ABHD17B: variants seen among roughly 807,000 people sequenced by gnomAD.
ABHD17B encodes the protein alpha/beta hydrolase domain-containing protein 17B.
Under a neutral mutation model 26.2 loss-of-function variants are expected in ABHD17B, and 9 were observed. That is an observed-to-expected ratio of 0.34 (90% confidence interval 0.21 to 0.60). The LOEUF (loss-of-function observed/expected upper bound fraction) is 0.60. Ranked by LOEUF, ABHD17B falls within the 20% of genes least tolerant of loss-of-function variation. The probability of loss-of-function intolerance (pLI) is 0.80; values close to 1 mark genes in which losing one functional copy is unlikely to be tolerated. For missense variants in ABHD17B, 224 were observed against 352.1 expected, an observed-to-expected ratio of 0.64 and a Z score of 2.91; for synonymous variants, 127 against 122.3, an observed-to-expected ratio of 1.04 and a Z score of -0.25.
chr9:71,874,041 G>A (rs1826187674), intron 2 of ABHD17B, among the ~76,000 whole-genome samples: 1 of 152,172 alleles, frequency 6.6e-6, no homozygotes, highest in Non-Finnish European at 1.5e-5. Context: ...TACTGTTAAT[G>A]ACAGATCAAG....
At chr9:71,905,679 G>A (rs1827260768) in intron 1 of ABHD17B, among the ~76,000 whole-genome samples, 1 of 152,118 alleles carries the variant, frequency 6.6e-6, no homozygotes, top group South Asian at 2.1e-4. Flanking sequence ...AATGAATGAG[G>A]GGCACTACTA....
chr9:71,892,652 TG>T (rs111633493), intron 1 of ABHD17B, among the ~76,000 whole-genome samples: 2,865 of 128,034 alleles, frequency 0.022, 62 homozygotes, highest in Middle Eastern at 0.064. Context: ...CAAATTAATT[TG>T]GGGGGGGGAA....
At chr9:71,863,974 T>A (rs74987546), downstream of ABHD17B, among the ~76,000 whole-genome samples, 14 of 152,312 alleles carry the variant, frequency 9.2e-5, no homozygotes, top group East Asian at 2.7e-3. Context: ...CAGCACTTTG[T>A]GTATCATTTT....
chr9:71,871,434 A>G (rs1442002610), intron 2 of ABHD17B, among the ~76,000 whole-genome samples: 1 of 152,144 alleles, frequency 6.6e-6, no homozygotes, highest in Non-Finnish European at 1.5e-5. Context: ...AACTCAGAAA[A>G]GCTTTTTTCT....
intron 1 of ABHD17B, among the ~76,000 whole-genome samples, chr9:71,900,626 T>A (rs1303289701): frequency 7.4e-6 from 1 of 134,570 alleles, no homozygotes; most frequent in Non-Finnish European, 1.5e-5. Context: ...CACTCTGGTC[T>A]GGGCGACAGA....
chr9:71,871,821 T>G (rs890857322), intron 2 of ABHD17B, among the ~76,000 whole-genome samples: 10 of 152,180 alleles, frequency 6.6e-5, no homozygotes, highest in Non-Finnish European at 1.3e-4. Flanking sequence ...GTTTTTTACC[T>G]CTGAAGCACA....
chr9:71,881,481 T>C (rs147511938), intron 1 of ABHD17B, among the ~76,000 whole-genome samples: 109 of 151,870 alleles, frequency 7.2e-4, no homozygotes, highest in African/African-American at 2.1e-3. Flanking sequence ...GAAAAAAAAA[T>C]AGATAAATCA....
intron 1 of ABHD17B, among the ~76,000 whole-genome samples, chr9:71,891,567 T>G (rs1256134187): frequency 6.6e-6 from 1 of 152,224 alleles, no homozygotes; most frequent in East Asian, 1.9e-4. Context: ...CTGTTCATAT[T>G]TCTAAGCAAA....
Position 71,875,054 on chromosome 9 carries a change from T to A in ABHD17B, c.27A>T (p.Leu9=), listed in dbSNP as rs771728697. 9.3e-6 allele frequency: 15 copies of A among 1,609,802 alleles called. No homozygotes were observed. Among genetic ancestry groups the A allele is most frequent in the Non-Finnish European group, 1.1e-5 (13 of 1,176,802 alleles). The change falls in exon 2 of 4, where the codon CTA becomes CTT. Residue 9 remains leucine (L), a synonymous_variant. Transcript: ENST00000333421. MNNLSFSE[L]CCLFCCPPCP... is the part of the protein sequence containing the mutation. The stretch of plus-strand genomic sequence containing the variant: ...AAGGTGGACAGCAGAAGAGGCAACA[T>A]AGCTCACTAAATGAAAGATTATTCA...
At position 71,865,987 on chromosome 9, in the gene ABHD17B, T is replaced by TG. The variant is rs1825947405; in HGVS notation, c.*799dup. 2.0e-6 allele frequency: 2 copies of TG among 985,308 alleles called. No homozygotes were observed. Among genetic ancestry groups the TG allele is most frequent in the Admixed American group, 1.2e-4 (2 of 16,282 alleles). The allele number at this position is 985,308 out of a possible 1,614,324, so 61.0% of individuals were successfully genotyped here. ...GACTACTGCAATTCTATGAAGACTA[T>TG]GAGATCAGTCAAAATTTAAAACATC... On this transcript the variant is annotated 3_prime_UTR_variant, in exon 4 of 4. Coordinates refer to ENST00000333421, the MANE Select transcript of ABHD17B (RefSeq NM_001025780.3).
In ABHD17B at chr9:71,874,959, T is replaced by C. The variant is rs752039699; in HGVS notation, c.122A>G (p.Glu41Gly). 1.9e-6 allele frequency: 3 copies of C among 1,614,230 alleles called. No individual in the cohort carries two copies. The Admixed American group carries it at 5.0e-5, about 27-fold the overall frequency. The change falls in exon 2 of 4, where the codon GAA becomes GGA. Residue 41 changes from glutamate (E) to glycine (G), a missense_variant. Coordinates refer to ENST00000333421, the MANE Select transcript of ABHD17B (RefSeq NM_001025780.3). ...ATGTAAAGTCCAACGGCTTCCGCTTTCATCACACATCAGTGTGTAAGTTGG... is the reference window on the plus strand; with the variant it reads ...ATGTAAAGTCCAACGGCTTCCGCTTCCATCACACATCAGTGTGTAAGTTGG... ...PDPTYTLMCDESGSRWTLHLS... is the reference protein window; with the variant it reads ...PDPTYTLMCDGSGSRWTLHLS...
rs1316377258 is a variant in ABHD17B, at chr9:71,866,363, C to T, written c.*424G>A. 1.0e-6 allele frequency: 1 copy of T among 986,400 alleles called. No homozygotes were observed. Among genetic ancestry groups the T allele is most frequent in the Admixed American group, 5.4e-5 (1 of 18,632 alleles). The allele number at this position is 986,400 out of a possible 1,614,324, so 61.1% of individuals were successfully genotyped here. ...TTTACAGTTCATTCCATTATGAGTA[C>T]TTAAATTGCTTTAGATACATAGCTT... On this transcript the variant is annotated 3_prime_UTR_variant, in exon 4 of 4. Transcript: ENST00000333421.
chr9:71,867,139 G>C, intron 3 of ABHD17B, 133 bp from the exon 4 acceptor site: 1 of 1,113,092 alleles, frequency 9.0e-7, no homozygotes, highest in Non-Finnish European at 1.2e-6. Context: ...AATGTCTCCT[G>C]AATTTCCAGT....
intron 1 of ABHD17B, among the ~76,000 whole-genome samples, chr9:71,896,265 T>C (rs930211394): frequency 3.3e-5 from 5 of 152,198 alleles, no homozygotes; most frequent in African/African-American, 4.8e-5. Context: ...CAGCTGTAGA[T>C]AGGAATTTCT....
At chr9:71,878,238 C>T (rs1028383752) in intron 1 of ABHD17B, among the ~76,000 whole-genome samples, 1 of 151,930 alleles carries the variant, frequency 6.6e-6, no homozygotes, top group African/African-American at 2.4e-5. Context: ...ATTGCTTGAG[C>T]AGTTAACAGT....
At chr9:71,887,550 A>T (rs895623122) in intron 1 of ABHD17B, among the ~76,000 whole-genome samples, 1 of 152,232 alleles carries the variant, frequency 6.6e-6, no homozygotes, top group Non-Finnish European at 1.5e-5. Flanking sequence ...CTAAAATTAA[A>T]TATTCACTTC....
Position 71,911,044 on chromosome 9 carries a change from C to T in ABHD17B, c.-414G>A, listed in dbSNP as rs1318166701. On this transcript the variant is annotated 5_prime_UTR_variant, in exon 1 of 4. Coordinates refer to ENST00000333421, the MANE Select transcript of ABHD17B (RefSeq NM_001025780.3). ...CTGGCACTGCAGACGCCACCCAGAC[C>T]TAGCCAGGTCTTCCTTCTCTTTAAT... is the stretch of plus-strand genomic sequence containing the variant. The T allele has an allele frequency of 1.3e-5, 2 of 153,502 alleles. No homozygotes were observed. The highest frequency in any genetic ancestry group is 2.4e-5 in the African/African-American group (1 of 41,474). The allele number at this position is 153,502 out of a possible 1,614,324, so 9.5% of individuals were successfully genotyped here. A position where few individuals can be genotyped will look rare whatever the true frequency, so the allele number is the denominator to read the frequency against.
At chr9:71,875,845 G>A (rs1321295269) in intron 1 of ABHD17B, among the ~76,000 whole-genome samples, 2 of 152,170 alleles carry the variant, frequency 1.3e-5, no homozygotes, top group Admixed American at 6.5e-5. Context: ...ATTGTGCCAA[G>A]TGCTCTATGT....
At chr9:71,886,747 A>T (rs1016498647) in intron 1 of ABHD17B, among the ~76,000 whole-genome samples, 2 of 152,122 alleles carry the variant, frequency 1.3e-5, no homozygotes, top group Non-Finnish European at 2.9e-5. Context: ...AGATGAAACA[A>T]GTTTCATCTG....
Sources: allele counts gnomAD v4.1 joint callset (sites outside exome capture counted in the v4.1 genomes callset), GRCh38; gene constraint gnomAD v4.1.1; transcripts MANE v1.5; gene names NCBI Gene and HGNC (gene_info 2026-07-23, HGNC 2026-07-21).